The following CNTN6 variants were observed in gnomAD, a reference collection of about 807,000 sequenced individuals.
CNTN6 encodes contactin 6.
Under a neutral mutation model 122.8 loss-of-function variants are expected in CNTN6, and 137 were observed. That is an observed-to-expected ratio of 1.12 (90% CI 0.97 to 1.29). CNTN6 has a LOEUF of 1.29. Ranked by LOEUF, CNTN6 falls within the 50% of genes most tolerant of loss-of-function variation. CNTN6 has a pLI of 0.00. For synonymous variants in CNTN6, 570 were observed against 426.0 expected, an observed-to-expected ratio of 1.34 and a Z score of -4.16; for missense variants, 1,634 against 1,223.4, an observed-to-expected ratio of 1.34 and a Z score of -5.01.
chr3:1,115,332 A>G (rs950097889), intron 1 of CNTN6, among the ~76,000 whole-genome samples: 1 of 152,186 alleles, frequency 6.6e-6, no homozygotes, highest in Non-Finnish European at 1.5e-5. Context: ...CAGTAAAAGA[A>G]GGTAAGACCC....
chr3:1,122,372 A>AGGG lies in CNTN6; in HGVS notation c.-82-25555_-82-25554insGGG, dbSNP rs2091984397. 1.1e-4 allele frequency among the ~76,000 whole-genome samples: 14 copies of AGGG among 128,420 alleles called. 1 individual carries two copies. Among genetic ancestry groups the AGGG allele is most frequent in the African/African-American group, 6.8e-4 (14 of 20,636 alleles). 84.2% of individuals were successfully genotyped at this position (128,420 alleles called of 152,430 possible). ...GGAAGGAGGGAAGGAGGAAGGAAGG[A>AGGG]AGGAAGGGAGGAATGAAGGAGGAAA... On this transcript the variant is annotated intron_variant, in intron 1 of 22. Coordinates refer to ENST00000446702, the MANE Select transcript of CNTN6 (RefSeq NM_001289080.2).
At chr3:1,339,406 G>A (rs542736306) in intron 11 of CNTN6, among the ~76,000 whole-genome samples, 29 of 152,106 alleles carry the variant, frequency 1.9e-4, no homozygotes, top group Non-Finnish European at 2.9e-4. Context: ...CCAATTTGAC[G>A]GGCGTTGTGA....
chr3:1,182,427 T>C (rs1365749635), intron 2 of CNTN6, among the ~76,000 whole-genome samples: 1 of 152,170 alleles, frequency 6.6e-6, no homozygotes, highest in African/African-American at 2.4e-5. Context: ...TACTTGGTAG[T>C]TTATCTTGAG....
At chr3:1,157,841 AC>A (rs768102149) in intron 2 of CNTN6, among the ~76,000 whole-genome samples, 5 of 152,094 alleles carry the variant, frequency 3.3e-5, no homozygotes, top group Non-Finnish European at 7.4e-5. Flanking sequence ...CTTTTTTATG[AC>A]TGAATAGTAC....
intron 4 of CNTN6, among the ~76,000 whole-genome samples, chr3:1,243,348 G>C (rs1245661037): frequency 1.3e-5 from 2 of 152,180 alleles, no homozygotes; most frequent in Non-Finnish European, 2.9e-5. Flanking sequence ...TTGTGTGCTG[G>C]AGATGTGGCT....
At chr3:1,153,712 T>C (rs888894735) in intron 2 of CNTN6, among the ~76,000 whole-genome samples, 2 of 152,180 alleles carry the variant, frequency 1.3e-5, no homozygotes, top group African/African-American at 4.8e-5. Context: ...TAGCCTTTTA[T>C]TGAATTGAGA....
intron 11 of CNTN6, among the ~76,000 whole-genome samples, chr3:1,342,291 G>T (rs1055271631): frequency 2.6e-5 from 4 of 151,894 alleles, no homozygotes; most frequent in African/African-American, 7.3e-5. Context: ...CACCACACCC[G>T]GCTAATTTTT....
chr3:1,100,958 A>AT (rs575236686), intron 1 of CNTN6, among the ~76,000 whole-genome samples: 24 of 151,896 alleles, frequency 1.6e-4, no homozygotes, highest in Non-Finnish European at 2.5e-4. Context: ...GGTGCTCATA[A>AT]TTTTTTTATG....
intron 1 of CNTN6, among the ~76,000 whole-genome samples, chr3:1,130,348 T>C (rs2092304409): frequency 6.6e-6 from 1 of 152,050 alleles, no homozygotes; most frequent in African/African-American, 2.4e-5. Flanking sequence ...AAAACCTAAC[T>C]AAGTATCCCT....
At chr3:1,166,210 T>C (rs895747491) in intron 2 of CNTN6, among the ~76,000 whole-genome samples, 14 of 152,318 alleles carry the variant, frequency 9.2e-5, no homozygotes, top group African/African-American at 3.1e-4. Flanking sequence ...TAAGGAGTTA[T>C]CGTGGGAGTG....
intron 4 of CNTN6, among the ~76,000 whole-genome samples, chr3:1,254,750 A>G (rs891758418): frequency 6.6e-6 from 1 of 152,208 alleles, no homozygotes; most frequent in African/African-American, 2.4e-5. Context: ...TTCAAGATGG[A>G]TGAAATTTCC....
rs905713299 is a variant in CNTN6 at position 1,199,329 on chromosome 3, G to C, written c.56-21358G>C. 4.0e-5 allele frequency among the ~76,000 whole-genome samples: 6 copies of C among 151,870 alleles called. No homozygotes were observed. The South Asian group carries it at 1.2e-3, about 32-fold the overall frequency. ...CTAGTAGCTGGGACTACAGGTGTATGCCACCATGCCCAGCTAATTTTTGTA... is the reference window on the plus strand; with the variant it reads ...CTAGTAGCTGGGACTACAGGTGTATCCCACCATGCCCAGCTAATTTTTGTA... On this transcript the variant is annotated intron_variant, in intron 2 of 22. Transcript: ENST00000446702.
intron 7 of CNTN6, among the ~76,000 whole-genome samples, chr3:1,315,874 T>G (rs1397433105): frequency 6.6e-6 from 1 of 151,928 alleles, no homozygotes; most frequent in African/African-American, 2.4e-5. Flanking sequence ...CACACACTCA[T>G]GCTTGTGTAG....
chr3:1,251,218 G>T (rs1378621151), intron 4 of CNTN6, among the ~76,000 whole-genome samples: 1 of 151,954 alleles, frequency 6.6e-6, no homozygotes, highest in Non-Finnish European at 1.5e-5. Flanking sequence ...CAATAGCCAC[G>T]CTGCTAAGAT....
chr3:1,259,944 A>T (rs914138327), intron 4 of CNTN6, among the ~76,000 whole-genome samples: 1 of 152,172 alleles, frequency 6.6e-6, no homozygotes, highest in Non-Finnish European at 1.5e-5. Flanking sequence ...TTTAAATGAT[A>T]TGTTAAAACT....
intron 12 of CNTN6, 118 bp downstream of exon 12, chr3:1,352,569 A>G (rs1289867876): frequency 2.5e-6 from 3 of 1,197,070 alleles, no homozygotes; most frequent in Non-Finnish European, 3.5e-6. Flanking sequence ...TGATTTCACA[A>G]GTTATCTAAG....
chr3:1,328,309 G>A (rs571528279), intron 10 of CNTN6, among the ~76,000 whole-genome samples: 1 of 151,920 alleles, frequency 6.6e-6, no homozygotes, highest in Admixed American at 6.6e-5. Flanking sequence ...AGTCCAACCA[G>A]TGGTGTCTGC....
intron 4 of CNTN6, among the ~76,000 whole-genome samples, chr3:1,245,469 T>C (rs2094570201): frequency 6.7e-6 from 1 of 148,166 alleles, no homozygotes; most frequent in Admixed American, 6.9e-5. Flanking sequence ...TTCTTATTCA[T>C]ATGTGGGAGC....
At chr3:1,316,050 C>A (rs1243697112) in intron 7 of CNTN6, among the ~76,000 whole-genome samples, 1 of 151,870 alleles carries the variant, frequency 6.6e-6, no homozygotes. Flanking sequence ...TTATAATAAT[C>A]TTAAAATATT....
Sources: allele counts gnomAD v4.1 joint callset (sites outside exome capture counted in the v4.1 genomes callset), GRCh38; gene constraint gnomAD v4.1.1; transcripts MANE v1.5; gene names NCBI Gene and HGNC (gene_info 2026-07-23, HGNC 2026-07-21).